B4GALT5: variants seen among roughly 807,000 people sequenced by gnomAD.
B4GALT5 encodes the protein beta-1,4-galactosyltransferase 5.
B4GALT5 carries 11 observed loss-of-function variants against 45.0 expected under a neutral mutation model. The observed-to-expected ratio is 0.24, with a 90% CI of 0.15 to 0.40. The LOEUF is 0.40. Ranked by LOEUF, B4GALT5 falls within the 10% of genes least tolerant of loss-of-function variation. The pLI, the probability that B4GALT5 is intolerant of heterozygous loss-of-function variation, is 1.00. For synonymous variants in B4GALT5, 185 were observed against 182.9 expected (o/e 1.01, Z -0.09); for missense variants, 337 against 500.2 (o/e 0.67, Z 3.11).
Position 49,713,119 on chromosome 20 carries a change from C to G in B4GALT5, c.115+457G>C, listed in dbSNP as rs539670587. Among the ~76,000 whole-genome samples the G allele has an allele frequency of 5.3e-5, 8 of 151,548 alleles. No homozygotes were observed. In the South Asian group the frequency reaches 1.7e-3, roughly 32 times the overall value. ...AGCTAGAAGGTGGGGCGGCCTGGGACCCGGGCACATGGGCTCGGCGAAGAG... is the reference window on the plus strand; with the variant it reads ...AGCTAGAAGGTGGGGCGGCCTGGGAGCCGGGCACATGGGCTCGGCGAAGAG... On this transcript the variant is annotated intron_variant, in intron 1 of 8. Transcript: ENST00000371711.
At chr20:49,649,677 C>T (rs2085613293) in intron 2 of B4GALT5, among the ~76,000 whole-genome samples, 1 of 152,096 alleles carries the variant, frequency 6.6e-6, no homozygotes, top group South Asian at 2.1e-4. Context: ...GCAAACCTGG[C>T]CTGGGTTGAA....
rs1309110179 is a variant in B4GALT5 at position 49,633,248 on chromosome 20, C to G, written c.*3064G>C. ...GCTATTAATGTCTGTGGTAGAGGAT[C>G]TCTGACAAGAGGACCTATTATGTCA... On this transcript the variant is annotated 3_prime_UTR_variant, in exon 9 of 9. Transcript: ENST00000371711. 1 of 152,682 alleles carries G rather than the reference C, an allele frequency of 6.5e-6. No individual in the cohort carries two copies. The allele number at this position is 152,682 out of a possible 1,614,324, so 9.5% of individuals were successfully genotyped here.
At chr20:49,681,207 C>A (rs1294209280) in intron 1 of B4GALT5, among the ~76,000 whole-genome samples, 2 of 122,560 alleles carry the variant, frequency 1.6e-5, no homozygotes, top group Non-Finnish European at 3.4e-5. Context: ...CAGAGCAAGA[C>A]CCCATCTCTA....
chr20:49,640,544 C>A lies in B4GALT5; in HGVS notation c.728G>T (p.Arg243Leu). Residue 243 changes from arginine (R) to leucine (L), a missense_variant, in exon 6 of 9, where the codon CGC becomes CTC. This residue lies in a region of B4GALT5 where 163 missense variants were observed against 292.8 expected (regional missense o/e 0.56). Coordinates refer to ENST00000371711, the MANE Select transcript of B4GALT5 (RefSeq NM_004776.4). The part of the protein sequence containing the change: ...HDVDHIPESD[R>L]NYYGCGQMPR... Reference sequence around the variant, plus strand: ...CATCTGTCCACATCCATAATAGTTGCGATCACTTTCCGGTATGTGATCTAC... The same window carrying A: ...CATCTGTCCACATCCATAATAGTTGAGATCACTTTCCGGTATGTGATCTAC... 1 of 1,613,682 alleles carries A rather than the reference C, an allele frequency of 6.2e-7. No individual in the cohort carries two copies. Among genetic ancestry groups the A allele is most frequent in the Non-Finnish European group, 8.5e-7 (1 of 1,179,908 alleles).
chr20:49,633,668 A>G lies in B4GALT5; in HGVS notation c.*2644T>C, dbSNP rs1984434859. ...CCTTTCCTTTTGTTCTCAAATCAGCATTTTCTAAAGTCAGGTGTTAGCCTT... is the reference window on the plus strand; with the variant it reads ...CCTTTCCTTTTGTTCTCAAATCAGCGTTTTCTAAAGTCAGGTGTTAGCCTT... On this transcript the variant is annotated 3_prime_UTR_variant, in exon 9 of 9. Transcript: ENST00000371711. The G allele has an allele frequency of 6.6e-6, 1 of 152,136 alleles. No homozygotes were observed. The highest frequency in any genetic ancestry group is 1.5e-5 in the Non-Finnish European group (1 of 68,028). The allele number at this position is 152,136 out of a possible 1,614,324, so 9.4% of individuals were successfully genotyped here.
At chr20:49,670,654 T>C (rs1393722846) in intron 1 of B4GALT5, among the ~76,000 whole-genome samples, 2 of 152,188 alleles carry the variant, frequency 1.3e-5, no homozygotes, top group African/African-American at 2.4e-5. Flanking sequence ...TTCTAACCCT[T>C]TGCAAACATG....
At chr20:49,643,221 T>C (rs1183309202) in intron 4 of B4GALT5, among the ~76,000 whole-genome samples, 1 of 152,234 alleles carries the variant, frequency 6.6e-6, no homozygotes, top group Non-Finnish European at 1.5e-5. Context: ...AATGAAGCAC[T>C]GACTCTGTAG....
intron 1 of B4GALT5, among the ~76,000 whole-genome samples, chr20:49,664,579 C>T (rs187188820): frequency 6.5e-4 from 99 of 152,086 alleles, no homozygotes; most frequent in African/African-American, 2.3e-3. Flanking sequence ...AAACGCAATA[C>T]ATGAACTTTG....
At chr20:49,668,947 A>C (rs2085704092) in intron 1 of B4GALT5, among the ~76,000 whole-genome samples, 1 of 152,022 alleles carries the variant, frequency 6.6e-6, no homozygotes, top group South Asian at 2.1e-4. Context: ...CTGCAACCTC[A>C]ACTTCCTTGG....
chr20:49,666,288 A>AT (rs1408049563), intron 1 of B4GALT5, among the ~76,000 whole-genome samples: 1 of 152,200 alleles, frequency 6.6e-6, no homozygotes, highest in African/African-American at 2.4e-5. Context: ...TCTCCATGGC[A>AT]TGTAGAGTGG....
intron 1 of B4GALT5, among the ~76,000 whole-genome samples, chr20:49,664,849 C>T (rs2085682413): frequency 6.6e-6 from 1 of 152,158 alleles, no homozygotes; most frequent in South Asian, 2.1e-4. Context: ...CATGTATGAG[C>T]TTATGTATGC....
intron 6 of B4GALT5, among the ~76,000 whole-genome samples, chr20:49,640,150 C>G (rs1284402855): frequency 6.6e-6 from 1 of 152,196 alleles, no homozygotes; most frequent in East Asian, 1.9e-4. Context: ...TCCTATCCTC[C>G]TTAGCCCCTT....
At chr20:49,663,879 ACT>A (rs1158381442) in intron 1 of B4GALT5, among the ~76,000 whole-genome samples, 3 of 151,688 alleles carry the variant, frequency 2.0e-5, no homozygotes, top group Non-Finnish European at 4.4e-5. Flanking sequence ...AGAATCTGGA[ACT>A]CTGTTTAGCA....
rs1023248849 is a variant in B4GALT5 at position 49,632,960 on chromosome 20, T to C, written c.*3352A>G. 3 of 152,544 alleles carry C rather than the reference T, an allele frequency of 2.0e-5. No homozygotes were observed. The highest frequency in any genetic ancestry group is 2.9e-5 in the Non-Finnish European group (2 of 68,044). The allele number at this position is 152,544 out of a possible 1,614,324, so 9.4% of individuals were successfully genotyped here. The stretch of plus-strand genomic sequence containing the variant: ...ACCACCAAGGTTTGGTTCTTGAATA[T>C]GTATTTTTTACTGAAAAAATCATTC... On this transcript the variant is annotated 3_prime_UTR_variant, in exon 9 of 9. Transcript: ENST00000371711.
intron 1 of B4GALT5, among the ~76,000 whole-genome samples, chr20:49,693,052 C>A (rs181888229): frequency 6.6e-6 from 1 of 152,136 alleles, no homozygotes; most frequent in South Asian, 2.1e-4. Context: ...TTGTAGCCTA[C>A]GAATAATAGG....
intron 1 of B4GALT5, among the ~76,000 whole-genome samples, chr20:49,712,619 A>G (rs2085918950): frequency 6.6e-6 from 1 of 152,012 alleles, no homozygotes; most frequent in Non-Finnish European, 1.5e-5. Context: ...CCCCTTCTCT[A>G]CGGACAATTT....
chr20:49,706,653 A>G (rs751363099), intron 1 of B4GALT5, among the ~76,000 whole-genome samples: 23 of 152,178 alleles, frequency 1.5e-4, no homozygotes, highest in Non-Finnish European at 5.9e-5. Flanking sequence ...GGCTACTAGA[A>G]AGTGAAGAAC....
At chr20:49,681,792 CT>C (rs2085765022) in intron 1 of B4GALT5, among the ~76,000 whole-genome samples, 1 of 152,198 alleles carries the variant, frequency 6.6e-6, no homozygotes, top group South Asian at 2.1e-4. Context: ...TCTAATTCCT[CT>C]ATTTGAAAAC....
intron 1 of B4GALT5, among the ~76,000 whole-genome samples, chr20:49,695,415 ATTTT>A (rs11297973): frequency 1.4e-5 from 2 of 142,124 alleles, no homozygotes; most frequent in Admixed American, 7.0e-5. Context: ...GTTGTGGTTT[ATTTT>A]TTTTTTTTTT....
Sources: allele counts gnomAD v4.1 joint callset (sites outside exome capture counted in the v4.1 genomes callset), GRCh38; gene constraint gnomAD v4.1.1; regional missense constraint gnomAD v4.1.1; transcripts MANE v1.5; gene names NCBI Gene and HGNC (gene_info 2026-07-23, HGNC 2026-07-21).